Variants in MTUS2 observed in about 807,000 individuals in gnomAD.
MTUS2 encodes the protein microtubule-associated tumor suppressor candidate 2.
Under a neutral mutation model 114.1 loss-of-function variants are expected in MTUS2, and 40 were observed. The observed-to-expected ratio is 0.35, with a 90% CI of 0.27 to 0.46. The LOEUF (loss-of-function observed/expected upper bound fraction) is 0.46. Among genes scored for constraint, MTUS2 ranks in the 20% least tolerant of loss-of-function variants. The pLI is 1.00. For synonymous variants in MTUS2, 688 were observed against 672.0 expected (o/e 1.02, Z -0.37); for missense variants, 1,679 against 1,705.4 (o/e 0.98, Z 0.27).
intron 9 of MTUS2, among the ~76,000 whole-genome samples, chr13:29,458,633 C>T (rs375724647): frequency 2.2e-4 from 33 of 152,322 alleles, no homozygotes; most frequent in East Asian, 1.9e-3. Flanking sequence ...CTCCCAATCT[C>T]TAGCCCTAAT....
chr13:28,823,658 TTGTC>T (rs1272955059), intron 1 of MTUS2, among the ~76,000 whole-genome samples: 1 of 152,174 alleles, frequency 6.6e-6, no homozygotes, highest in Admixed American at 6.5e-5. Flanking sequence ...ACAAACAATT[TTGTC>T]TGTGCTCCCA....
intron 2 of MTUS2, among the ~76,000 whole-genome samples, chr13:28,912,486 C>A (rs1374716608): frequency 6.6e-6 from 1 of 152,072 alleles, no homozygotes; most frequent in Non-Finnish European, 1.5e-5. Flanking sequence ...ATTGTCTTGA[C>A]TATATGGGCT....
At chr13:29,052,526 T>C (rs528303059) in intron 4 of MTUS2, among the ~76,000 whole-genome samples, 7 of 148,906 alleles carry the variant, frequency 4.7e-5, no homozygotes, top group Admixed American at 4.7e-4. Context: ...CTAGAGGATA[T>C]CCTAAAGAAG....
At position 29,289,663 on chromosome 13, in the gene MTUS2, C is replaced by T. The variant is rs181719223; in HGVS notation, c.2806+7798C>T. Reference sequence around the variant, plus strand: ...TTAATTTTTAGTAGAGACAGGGTTTCGCCATCTTGGCCAGGCTGGTCTTGA... The same window carrying T: ...TTAATTTTTAGTAGAGACAGGGTTTTGCCATCTTGGCCAGGCTGGTCTTGA... On this transcript the variant is annotated intron_variant, in intron 6 of 15. Transcript: ENST00000612955. Among the ~76,000 whole-genome samples, 104 of 152,020 alleles carry T rather than the reference C, an allele frequency of 6.8e-4. 1 individual carries two copies. The highest frequency in any genetic ancestry group is 2.3e-3 in the African/African-American group (94 of 41,478).
intron 6 of MTUS2, among the ~76,000 whole-genome samples, chr13:29,296,801 G>T (rs7330417): frequency 0.54 from 82,713 of 151,912 alleles, 23,198 homozygotes; most frequent in East Asian, 0.84. Context: ...TTATTTTGAT[G>T]TTTACTGTTG....
intron 2 of MTUS2, among the ~76,000 whole-genome samples, chr13:29,002,137 A>G (rs574168856): frequency 6.6e-6 from 1 of 152,332 alleles, no homozygotes; most frequent in South Asian, 2.1e-4. Flanking sequence ...AATTTGTTAC[A>G]GCAGTTATAG....
At chr13:29,050,269 T>A (rs1181532399) in intron 4 of MTUS2, among the ~76,000 whole-genome samples, 2 of 152,164 alleles carry the variant, frequency 1.3e-5, no homozygotes, top group Non-Finnish European at 2.9e-5. Flanking sequence ...TTTTACCTGT[T>A]ATGGTCAAAA....
In MTUS2 at chr13:28,913,462, C is replaced by G. The variant is rs565241746; in HGVS notation, c.-243+73612C>G. Among the ~76,000 whole-genome samples, 4 of 152,248 alleles carry G rather than the reference C, an allele frequency of 2.6e-5. No homozygotes were observed. In the East Asian group the frequency reaches 5.8e-4, roughly 22 times the overall value. ...CCAATCTTGCGTCACGGGGATGAAG[C>G]TAACTTAGTTGTGGTGGGTAAGTTT... On this transcript the variant is annotated intron_variant, in intron 2 of 15. Coordinates refer to ENST00000612955, the MANE Select transcript of MTUS2 (RefSeq NM_001033602.4).
At chr13:29,157,503 C>T (rs1313017489) in intron 5 of MTUS2, among the ~76,000 whole-genome samples, 2 of 152,056 alleles carry the variant, frequency 1.3e-5, no homozygotes, top group African/African-American at 4.8e-5. Context: ...AACGTTGACC[C>T]ATGTTAACCA....
chr13:29,450,850 G>A (rs1180513060), intron 9 of MTUS2, among the ~76,000 whole-genome samples: 1 of 152,156 alleles, frequency 6.6e-6, no homozygotes, highest in Non-Finnish European at 1.5e-5. Context: ...AATGAAGTTG[G>A]CCATTACATA....
chr13:29,146,648 T>G (rs1892445439), intron 5 of MTUS2, among the ~76,000 whole-genome samples: 1 of 152,158 alleles, frequency 6.6e-6, no homozygotes, highest in Non-Finnish European at 1.5e-5. Context: ...GATAAATAAA[T>G]TATCCAACAA....
intron 2 of MTUS2, among the ~76,000 whole-genome samples, chr13:28,978,464 G>GTACAAAATATCATTTATACACT (rs1884215806): frequency 6.6e-6 from 1 of 152,076 alleles, no homozygotes. Context: ...AATGAGAAGG[G>GTACAAAATATCATTTATACACT]GGATATCATT....
intron 5 of MTUS2, among the ~76,000 whole-genome samples, chr13:29,163,070 T>TTA (rs1316495720): frequency 1.6e-4 from 25 of 152,138 alleles, no homozygotes; most frequent in Admixed American, 1.6e-3. Flanking sequence ...CTGTAAGGAG[T>TTA]GTATATCACA....
chr13:28,857,740 C>T (rs1343041063), intron 2 of MTUS2, among the ~76,000 whole-genome samples: 1 of 152,196 alleles, frequency 6.6e-6, no homozygotes, highest in Non-Finnish European at 1.5e-5. Context: ...AAATCAAGGT[C>T]AGGAGAGATG....
rs1269489185 is a variant in MTUS2, at chr13:29,317,733, C to T, written c.2807-6880C>T. 1.3e-5 allele frequency among the ~76,000 whole-genome samples: 2 copies of T among 151,528 alleles called. 1 individual carries two copies. Among genetic ancestry groups the T allele is most frequent in the African/African-American group, 4.9e-5 (2 of 41,218 alleles). On this transcript the variant is annotated intron_variant, in intron 6 of 15. Coordinates refer to ENST00000612955, the MANE Select transcript of MTUS2 (RefSeq NM_001033602.4). The stretch of plus-strand genomic sequence containing the variant: ...GATTACAGGCGTGAGCCACCGCGCC[C>T]GGCCTCTCTCTTTAGTTTATAACTC...
intron 8 of MTUS2, among the ~76,000 whole-genome samples, chr13:29,397,938 C>G: frequency 6.6e-6 from 1 of 152,082 alleles, no homozygotes; most frequent in East Asian, 1.9e-4. Context: ...AATCTTTGAA[C>G]ATAATTGTTG....
intron 4 of MTUS2, among the ~76,000 whole-genome samples, chr13:29,072,657 T>G (rs780862881): frequency 6.6e-6 from 1 of 152,196 alleles, no homozygotes; most frequent in Non-Finnish European, 1.5e-5. Context: ...CTGAATTTGC[T>G]CACAAAAAAT....
chr13:29,024,767 AAAT>A lies in MTUS2; in HGVS notation c.76_78del (p.Asn26del). On this transcript the variant is annotated inframe_deletion, in exon 3 of 16. Coordinates refer to ENST00000612955, the MANE Select transcript of MTUS2 (RefSeq NM_001033602.4). ...TGCGGGACAACAGAAATGCAGCAAG[AAAT>A]AATAATGAAAGCATCTTAAGTCTGG... The A allele has an allele frequency of 6.2e-7, 1 of 1,613,952 alleles. No homozygotes were observed. The highest frequency in any genetic ancestry group is 8.5e-7 in the Non-Finnish European group (1 of 1,179,920).
chr13:29,099,430 C>T (rs1000317714), intron 4 of MTUS2, among the ~76,000 whole-genome samples: 1 of 152,188 alleles, frequency 6.6e-6, no homozygotes, highest in African/African-American at 2.4e-5. Flanking sequence ...CATAGCCTCA[C>T]TTTCGGGGGA....
Sources: gnomAD v4.1 joint callset for allele counts (sites outside exome capture counted in the v4.1 genomes callset) on GRCh38, gnomAD v4.1.1 for gene constraint, MANE v1.5 for transcripts, NCBI Gene and HGNC (gene_info 2026-07-23, HGNC 2026-07-21) for gene names.